TBC1D30: variants seen among roughly 807,000 people sequenced by gnomAD.
TBC1D30 encodes TBC1 domain family member 30.
A neutral mutation model predicts 63.2 loss-of-function variants in TBC1D30; 31 were observed. That is an observed-to-expected ratio of 0.49 (90% CI 0.37 to 0.66). The LOEUF is 0.66. Among genes scored for constraint, TBC1D30 ranks in the 30% least tolerant of loss-of-function variants. The pLI, the probability that TBC1D30 is intolerant of heterozygous loss-of-function variation, is 0.00. For synonymous variants in TBC1D30, 307 were observed against 361.5 expected (o/e 0.85, Z 1.71); for missense variants, 810 against 953.6 (o/e 0.85, Z 1.98).
At chr12:64,840,327 A>C (rs1304086622) in intron 7 of TBC1D30, among the ~76,000 whole-genome samples, 1 of 152,240 alleles carries the variant, frequency 6.6e-6, no homozygotes, top group Admixed American at 6.5e-5. Context: ...ACATTAAAAT[A>C]GTAAAGCACT....
At chr12:64,790,801 C>G (rs916471930) in intron 2 of TBC1D30, among the ~76,000 whole-genome samples, 4 of 152,086 alleles carry the variant, frequency 2.6e-5, no homozygotes, top group Non-Finnish European at 5.9e-5. Context: ...AATACCTTGT[C>G]CTCTGTGGCA....
At chr12:64,859,099 G>C (rs1877563959) in intron 8 of TBC1D30, among the ~76,000 whole-genome samples, 2 of 151,994 alleles carry the variant, frequency 1.3e-5, no homozygotes, top group Admixed American at 1.3e-4. Context: ...GTGTGTGTGT[G>C]TGGAGGGGTG....
chr12:64,761,778 C>T (rs1870522576), intron 1 of TBC1D30, among the ~76,000 whole-genome samples: 1 of 152,196 alleles, frequency 6.6e-6, no homozygotes. Context: ...AGTAGCCATT[C>T]TTTTATTCCT....
intron 2 of TBC1D30, among the ~76,000 whole-genome samples, chr12:64,808,664 T>C (rs991519981): frequency 1.3e-5 from 2 of 152,186 alleles, no homozygotes; most frequent in Admixed American, 1.3e-4. Flanking sequence ...AGTCACGCTG[T>C]GCATTCATCA....
At chr12:64,775,334 G>A (rs1871044126) in intron 1 of TBC1D30, among the ~76,000 whole-genome samples, 1 of 151,992 alleles carries the variant, frequency 6.6e-6, no homozygotes, top group Non-Finnish European at 1.5e-5. Context: ...ACACAGAATG[G>A]CAAGTTGGAT....
chr12:64,809,084 A>C (rs1873050919), intron 2 of TBC1D30, among the ~76,000 whole-genome samples: 1 of 152,174 alleles, frequency 6.6e-6, no homozygotes, highest in South Asian at 2.1e-4. Flanking sequence ...CTATACTTCT[A>C]ATAACTGGAA....
intron 10 of TBC1D30, 76 bp downstream of exon 10, chr12:64,866,979 G>A (rs1878274768): frequency 1.2e-5 from 17 of 1,466,024 alleles, no homozygotes; most frequent in South Asian, 2.5e-5. Context: ...GTGTCCTATA[G>A]ATGCCCCAGT....
At chr12:64,786,591 T>C (rs1440646884) in intron 2 of TBC1D30, among the ~76,000 whole-genome samples, 1 of 152,100 alleles carries the variant, frequency 6.6e-6, no homozygotes, top group Non-Finnish European at 1.5e-5. Flanking sequence ...TTCACCCTTC[T>C]TGGCCTCCCA....
At chr12:64,761,824 A>G (rs977242339) in intron 1 of TBC1D30, among the ~76,000 whole-genome samples, 7 of 152,064 alleles carry the variant, frequency 4.6e-5, no homozygotes, top group East Asian at 1.9e-4. Context: ...ACTTTACTCT[A>G]TGGTCTTGTC....
At position 64,815,786 on chromosome 12, in the gene TBC1D30, C is replaced by CT. The variant is rs1410615370; in HGVS notation, c.644-12039dup. 5.9e-4 allele frequency among the ~76,000 whole-genome samples: 88 copies of CT among 148,978 alleles called. 2 individuals carry two copies. Among genetic ancestry groups the CT allele is most frequent in the African/African-American group, 1.4e-3 (55 of 40,624 alleles). On this transcript the variant is annotated intron_variant, in intron 2 of 12. Coordinates refer to the TBC1D30 transcript ENST00000542120. ...AACGATGTAAAGATAATGTAAGATT[C>CT]TTTTTTTTTTCTTTTTTGAGACAGA...
At chr12:64,869,444 C>A (rs1878479471) in intron 10 of TBC1D30, among the ~76,000 whole-genome samples, 1 of 152,122 alleles carries the variant, frequency 6.6e-6, no homozygotes, top group Non-Finnish European at 1.5e-5. Context: ...TTCTGTCATC[C>A]TTTTAAAGGC....
At position 64,875,633 on chromosome 12, in the gene TBC1D30, C is replaced by A; in HGVS notation, c.2131C>A (p.Pro711Thr). 1.3e-6 allele frequency: 2 copies of A among 1,536,282 alleles called. No individual in the cohort carries two copies. The highest frequency in any genetic ancestry group is 2.4e-5 in the South Asian group (2 of 84,052). The change falls in exon 12 of 12, where the codon CCT becomes ACT. Residue 711 changes from proline to threonine, a missense_variant. Around this residue, in one of 4 missense-constraint regions of TBC1D30, gnomAD observed 450 missense variants for 473.0 expected, o/e 0.95. Coordinates refer to ENST00000539867, the MANE Select transcript of TBC1D30 (RefSeq NM_015279.2). ...CAACTCAAAAACCCCCATCTTTAGC[C>A]CTTTTCCCAGCGTCAAGCCCCTGCG... ...GSNSKTPIFS[P>T]FPSVKPLRKS...
chr12:64,866,935 T>C (rs1041290504), intron 10 of TBC1D30, 32 bp downstream of exon 10: 2 of 1,534,472 alleles, frequency 1.3e-6, no homozygotes, highest in Admixed American at 2.0e-5. Flanking sequence ...TAGATTATCA[T>C]GATGTATTGG....
chr12:64,787,497 T>C, intron 2 of TBC1D30: 1 of 391,600 alleles, frequency 2.6e-6, no homozygotes, highest in Non-Finnish European at 3.5e-6. Flanking sequence ...TGTACGTAAA[T>C]TGACACCTCC....
At chr12:64,838,956 G>A in intron 7 of TBC1D30, 105 bp downstream of exon 7, 1 of 1,151,742 alleles carries the variant, frequency 8.7e-7, no homozygotes, top group Non-Finnish European at 1.2e-6. Context: ...AGAAAGTTGT[G>A]AACTTTTAAA....
At chr12:64,787,404 G>T in intron 2 of TBC1D30, 1 of 982,466 alleles carries the variant, frequency 1.0e-6, no homozygotes, top group Non-Finnish European at 1.2e-6. Flanking sequence ...TAGGTACAAT[G>T]ATGTTTTTGA....
chr12:64,857,568 G>A (rs11175574), intron 8 of TBC1D30, among the ~76,000 whole-genome samples: 6,484 of 152,244 alleles, frequency 0.043, 452 homozygotes, highest in African/African-American at 0.15. Flanking sequence ...GGGAGGGATG[G>A]CGCAAGCCCT....
At chr12:64,791,708 G>GTA (rs1555167158) in intron 2 of TBC1D30, among the ~76,000 whole-genome samples, 73 of 149,920 alleles carry the variant, frequency 4.9e-4, no homozygotes, top group African/African-American at 1.3e-3. Context: ...TTGTGTGTGT[G>GTA]TATATATATA....
rs894633814 is a variant in TBC1D30 at position 64,880,677 on chromosome 12, A to G, written c.*4889A>G. The stretch of plus-strand genomic sequence containing the variant: ...TCCTTCCTGGTCGTTTGCTCTGGTG[A>G]GACCAAATGACCTGCAAAGTGTCAC... On this transcript the variant is annotated 3_prime_UTR_variant, in exon 12 of 12. Coordinates refer to ENST00000539867, the MANE Select transcript of TBC1D30 (RefSeq NM_015279.2). 3 of 152,230 alleles carry G rather than the reference A, an allele frequency of 2.0e-5. No individual in the cohort carries two copies. The highest frequency in any genetic ancestry group is 7.2e-5 in the African/African-American group (3 of 41,466). The allele number at this position is 152,230 out of a possible 1,614,324, so 9.4% of individuals were successfully genotyped here.
Sources: allele counts gnomAD v4.1 joint callset (sites outside exome capture counted in the v4.1 genomes callset), GRCh38; gene constraint gnomAD v4.1.1; regional missense constraint gnomAD v4.1.1; transcripts MANE v1.5; gene names NCBI Gene and HGNC (gene_info 2026-07-23, HGNC 2026-07-21).